TUBGCP5: variants seen among roughly 807,000 people sequenced by gnomAD.
TUBGCP5 encodes the protein tubulin gamma complex component 5, also known as gamma-tubulin complex component 5.
TUBGCP5 carries 98 observed loss-of-function variants against 134.7 expected under a neutral mutation model. The ratio of observed to expected loss-of-function variants is 0.73; its 90% CI spans 0.62 to 0.86. The LOEUF (loss-of-function observed/expected upper bound fraction) is 0.86. Ranked by LOEUF, TUBGCP5 falls within the 40% of genes least tolerant of loss-of-function variation. The probability of loss-of-function intolerance (pLI) is 0.00; values close to 1 mark genes in which losing one functional copy is unlikely to be tolerated. For synonymous variants in TUBGCP5, 456 were observed against 431.4 expected, an observed-to-expected ratio of 1.06 and a Z score of -0.71; for missense variants, 1,150 against 1,244.8, an observed-to-expected ratio of 0.92 and a Z score of 1.15.
At chr15:23,027,069 G>A in intron 7 of TUBGCP5, 123 bp downstream of exon 7, 2 of 758,866 alleles carry the variant, frequency 2.6e-6, no homozygotes, top group Non-Finnish European at 4.2e-6. Flanking sequence ...AAAAAAAAAA[G>A]AATTGTCAAA....
At chr15:23,004,043 C>T in intron 20 of TUBGCP5, 59 bp downstream of exon 20, 1 of 1,534,926 alleles carries the variant, frequency 6.5e-7, no homozygotes, top group South Asian at 1.3e-5. Flanking sequence ...AATTCCAAAG[C>T]ACGCAGACAG....
intron 6 of TUBGCP5, among the ~76,000 whole-genome samples, chr15:23,028,504 C>T (rs73409385): frequency 0.046 from 6,967 of 151,242 alleles, 418 homozygotes; most frequent in African/African-American, 0.14. Context: ...GAAAATCTAT[C>T]GATGCATTAT....
At chr15:22,985,697 T>C (rs2063656324) in intron 23 of TUBGCP5, among the ~76,000 whole-genome samples, 1 of 152,010 alleles carries the variant, frequency 6.6e-6, no homozygotes. Flanking sequence ...TCACACTCAT[T>C]AGGATGCCTA....
Position 23,032,025 on chromosome 15 carries a change from C to G in TUBGCP5, c.411G>C (p.Lys137Asn), listed in dbSNP as rs754893350. 1.2e-6 allele frequency: 2 copies of G among 1,610,206 alleles called. No homozygotes were observed. Among genetic ancestry groups the G allele is most frequent in the Non-Finnish European group, 1.7e-6 (2 of 1,177,812 alleles). The change falls in exon 5 of 23, where the codon AAG becomes AAC. Residue 137 changes from lysine to asparagine, a missense_variant. By Grantham distance (94) the Lys-to-Asn change is moderately conservative. Transcript: ENST00000615383. Reference protein sequence around the residue: ...VETPRNKEVEKKDDFDWGKYL... With the variant: ...VETPRNKEVENKDDFDWGKYL... Reference sequence around the variant, plus strand: ...ATTTTCCCCAGTCGAAATCATCTTTCTTTTCTAAAATGTAACAGAAGAACT... The same window carrying G: ...ATTTTCCCCAGTCGAAATCATCTTTGTTTTCTAAAATGTAACAGAAGAACT...
chr15:22,992,349 C>T (rs2063871198), intron 23 of TUBGCP5, among the ~76,000 whole-genome samples: 1 of 152,054 alleles, frequency 6.6e-6, no homozygotes, highest in African/African-American at 2.4e-5. Flanking sequence ...TAGGCTCCAG[C>T]GTCGGATGCA....
Position 23,019,286 on chromosome 15 carries a change from GC to G in TUBGCP5, c.1419del (p.Gln474ArgfsTer54), listed in dbSNP as rs2065522792. 2 of 1,614,090 alleles carry G rather than the reference GC, an allele frequency of 1.2e-6. No homozygotes were observed. The highest frequency in any genetic ancestry group is 8.5e-7 in the Non-Finnish European group (1 of 1,179,984). ...SLWVETVRPYLQTVDEWIVHG... is the reference protein window; with the variant it reads ...SLWVETVRPYXQTVDEWIVHG... ...TGCACGATCCACTCGTCCACCGTCT[GC>G]AGGTAAGGCCGCACCGTTTCCACCC... On this transcript the variant is annotated frameshift_variant, in exon 12 of 23. Coordinates refer to ENST00000615383, the MANE Select transcript of TUBGCP5 (RefSeq NM_052903.6). LOFTEE classifies it high-confidence loss of function.
intron 23 of TUBGCP5, among the ~76,000 whole-genome samples, chr15:22,987,149 A>G (rs911570416): frequency 6.6e-6 from 1 of 151,902 alleles, no homozygotes; most frequent in Non-Finnish European, 1.5e-5. Flanking sequence ...CCTGACCAAC[A>G]TGGAGAAACC....
chr15:22,986,317 A>ATTT, intron 23 of TUBGCP5, among the ~76,000 whole-genome samples: 1 of 152,204 alleles, frequency 6.6e-6, no homozygotes, highest in East Asian at 1.9e-4. Flanking sequence ...TACAAGTAGT[A>ATTT]TTATAAAATA....
chr15:23,033,872 C>T lies in TUBGCP5; in HGVS notation c.310-1048G>A, dbSNP rs372362267. Among the ~76,000 whole-genome samples, 9 of 152,186 alleles carry T rather than the reference C, an allele frequency of 5.9e-5. No individual in the cohort carries two copies. The East Asian group carries it at 9.7e-4, about 16-fold the overall frequency. On this transcript the variant is annotated intron_variant, in intron 3 of 22. Coordinates refer to ENST00000615383, the MANE Select transcript of TUBGCP5 (RefSeq NM_052903.6). ...ATTTTCCTTTATTGGGTATTACTCT[C>T]CTCTGTTCAAGTTTCTATTTGATTG...
intron 11 of TUBGCP5, among the ~76,000 whole-genome samples, chr15:23,020,430 C>T (rs1417304452): frequency 6.9e-6 from 1 of 145,854 alleles, no homozygotes; most frequent in Non-Finnish European, 1.5e-5. Context: ...AAAAAAACCC[C>T]AAAAAATTAG....
chr15:23,026,279 G>C, intron 7 of TUBGCP5, 74 bp from the exon 8 acceptor site: 2 of 1,288,608 alleles, frequency 1.6e-6, no homozygotes, highest in Non-Finnish European at 2.2e-6. Flanking sequence ...AAGAATATCT[G>C]CAATTTAGTG....
intron 23 of TUBGCP5, among the ~76,000 whole-genome samples, chr15:22,991,320 T>C (rs7175506): frequency 0.21 from 32,013 of 152,078 alleles, 3,847 homozygotes; most frequent in South Asian, 0.27. Flanking sequence ...GGTCTCGAAC[T>C]CATGACCTCA....
At chr15:23,014,861 G>A (rs988370910) in intron 13 of TUBGCP5, among the ~76,000 whole-genome samples, 2 of 152,152 alleles carry the variant, frequency 1.3e-5, no homozygotes, top group African/African-American at 4.8e-5. Flanking sequence ...AACCAGTTTT[G>A]TGCCTACATC....
intron 23 of TUBGCP5, among the ~76,000 whole-genome samples, chr15:22,993,536 T>TG (rs2063929587): frequency 1.1e-5 from 1 of 89,002 alleles, no homozygotes; most frequent in African/African-American, 5.4e-5. Flanking sequence ...TTTTTTTTTT[T>TG]TTTTTTTTTT....
chr15:23,007,857 C>T (rs1567112455), intron 16 of TUBGCP5, among the ~76,000 whole-genome samples: 1 of 152,204 alleles, frequency 6.6e-6, no homozygotes, highest in East Asian at 1.9e-4. Context: ...TCTGAGGTCA[C>T]CCTGGTGAGG....
At chr15:23,018,703 T>C (rs569632466) in intron 12 of TUBGCP5, among the ~76,000 whole-genome samples, 1 of 152,324 alleles carries the variant, frequency 6.6e-6, no homozygotes, top group East Asian at 1.9e-4. Flanking sequence ...TAGCTCTACA[T>C]TGTTTATATG....
Position 23,027,459 on chromosome 15 carries a change from C to T in TUBGCP5, c.623-153G>A. 2 of 663,742 alleles carry T rather than the reference C, an allele frequency of 3.0e-6. 1 individual carries two copies. Among genetic ancestry groups the T allele is most frequent in the Admixed American group, 5.5e-5 (2 of 36,130 alleles). 41.1% of individuals were successfully genotyped at this position (663,742 alleles called of 1,614,324 possible). A position where few individuals can be genotyped will look rare whatever the true frequency, so the allele number is the denominator to read the frequency against. The stretch of plus-strand genomic sequence containing the variant: ...TTTATGTATATATGATTATTTTAAA[C>T]CACATATATCTGCTGGGTTCTATGG... On this transcript the variant is annotated intron_variant, in intron 6 of 22. Coordinates refer to ENST00000615383, the MANE Select transcript of TUBGCP5 (RefSeq NM_052903.6).
Position 23,030,798 on chromosome 15 carries a change from G to GAA in TUBGCP5, c.622+86_622+87insTT, listed in dbSNP as rs1471952218. 2.7e-6 allele frequency: 4 copies of GAA among 1,509,058 alleles called. No homozygotes were observed. In the African/African-American group the frequency reaches 5.6e-5, roughly 21 times the overall value. 93.5% of individuals were successfully genotyped at this position (1,509,058 alleles called of 1,614,324 possible). A position where few individuals can be genotyped will look rare whatever the true frequency, so the allele number is the denominator to read the frequency against. ...GATGGTAGAGCTTAGCCAATACCTT[G>GAA]ATTACATGGAACTGATCTCAAAGTT... On this transcript the variant is annotated intron_variant, in intron 6 of 22. Coordinates refer to ENST00000615383, the MANE Select transcript of TUBGCP5 (RefSeq NM_052903.6).
At chr15:23,035,291 T>C in intron 3 of TUBGCP5, among the ~76,000 whole-genome samples, 1 of 143,552 alleles carries the variant, frequency 7.0e-6, no homozygotes, top group Non-Finnish European at 1.5e-5. Flanking sequence ...ACTGCACCAC[T>C]GCACTCCAAG....
Sources: allele counts gnomAD v4.1 joint callset (sites outside exome capture counted in the v4.1 genomes callset), GRCh38; gene constraint gnomAD v4.1.1; transcripts MANE v1.5; gene names NCBI Gene and HGNC (gene_info 2026-07-23, HGNC 2026-07-21).